Variants in SMURF2 observed in about 807,000 individuals in gnomAD.
SMURF2 encodes SMAD specific E3 ubiquitin protein ligase 2.
SMURF2 carries 48 observed loss-of-function variants against 109.6 expected under a neutral mutation model. That is an observed-to-expected ratio of 0.44 (90% CI 0.35 to 0.56). The LOEUF (loss-of-function observed/expected upper bound fraction) is 0.56, where lower values mean the gene tolerates loss of function less well. Among genes scored for constraint, SMURF2 ranks in the 20% least tolerant of loss-of-function variants. The pLI is 0.01. For synonymous variants in SMURF2, 288 were observed against 317.1 expected (o/e 0.91, Z 0.97); for missense variants, 575 against 909.0 (o/e 0.63, Z 4.72).
intron 15 of SMURF2, among the ~76,000 whole-genome samples, chr17:64,554,103 A>T (rs1046038935): frequency 1.3e-5 from 2 of 152,210 alleles, no homozygotes; most frequent in Non-Finnish European, 2.9e-5. Context: ...TAAACTCACA[A>T]TGTGCTCATT....
At chr17:64,631,158 C>T (rs1275836678) in intron 1 of SMURF2, among the ~76,000 whole-genome samples, 4 of 147,472 alleles carry the variant, frequency 2.7e-5, no homozygotes, top group East Asian at 2.1e-4. Flanking sequence ...ACAAATTAGC[C>T]GGGTGTGGTG....
chr17:64,637,373 G>A (rs1011439356), intron 1 of SMURF2, among the ~76,000 whole-genome samples: 1 of 151,746 alleles, frequency 6.6e-6, no homozygotes, highest in Non-Finnish European at 1.5e-5. Flanking sequence ...ACAACCACTC[G>A]TCTCGACCTC....
At chr17:64,659,363 GT>G (rs1970744910) in intron 1 of SMURF2, among the ~76,000 whole-genome samples, 1 of 152,084 alleles carries the variant, frequency 6.6e-6, no homozygotes, top group African/African-American at 2.4e-5. Context: ...TATAGCCCAA[GT>G]GTATTGTAAA....
chr17:64,607,623 CA>C lies in SMURF2; in HGVS notation c.53-984del, dbSNP rs59894966. On this transcript the variant is annotated intron_variant, in intron 1 of 18. Transcript: ENST00000262435. ...CCTGGGCTACAGAGCAAGACTGTCTCAAAAAAAAAAAAAAAGGATTTTATAG... is the reference window on the plus strand; with the variant it reads ...CCTGGGCTACAGAGCAAGACTGTCTCAAAAAAAAAAAAAAGGATTTTATAG... Among the ~76,000 whole-genome samples the C allele has an allele frequency of 4.3e-3, 433 of 99,762 alleles. 1 individual carries two copies. The highest frequency in any genetic ancestry group is 6.3e-3 in the Admixed American group (61 of 9,624). The allele number at this position is 99,762 out of a possible 152,430, so 65.4% of individuals were successfully genotyped here.
At chr17:64,606,410 G>C (rs542785661) in intron 2 of SMURF2, among the ~76,000 whole-genome samples, 192 bp downstream of exon 2, 3 of 152,122 alleles carry the variant, frequency 2.0e-5, no homozygotes, top group African/African-American at 7.2e-5. Context: ...TAAAAGGAAA[G>C]GGCTAAGCCT....
intron 2 of SMURF2, among the ~76,000 whole-genome samples, chr17:64,602,634 T>A (rs572034330): frequency 1.3e-5 from 2 of 152,312 alleles, no homozygotes; most frequent in Non-Finnish European, 2.9e-5. Context: ...TTCTGCATTT[T>A]AAAAAATTTC....
chr17:64,644,089 T>A (rs1223158887), intron 1 of SMURF2, among the ~76,000 whole-genome samples: 1 of 152,052 alleles, frequency 6.6e-6, no homozygotes, highest in Non-Finnish European at 1.5e-5. Context: ...CACTGCAACC[T>A]CTGCCTGCTG....
chr17:64,642,550 C>T (rs1332465455), intron 1 of SMURF2, among the ~76,000 whole-genome samples: 1 of 152,126 alleles, frequency 6.6e-6, no homozygotes, highest in Admixed American at 6.5e-5. Context: ...CCAAACAAAG[C>T]AAAAATTAAG....
intron 10 of SMURF2, among the ~76,000 whole-genome samples, chr17:64,571,511 T>G (rs936895801): frequency 5.3e-5 from 8 of 152,082 alleles, no homozygotes; most frequent in East Asian, 3.8e-4. Flanking sequence ...GCTCAGGCGA[T>G]TCTCCTGCCT....
intron 1 of SMURF2, among the ~76,000 whole-genome samples, chr17:64,608,945 T>C (rs1055655399): frequency 1.3e-5 from 2 of 152,080 alleles, no homozygotes; most frequent in East Asian, 1.9e-4. Flanking sequence ...CCTCTCATAA[T>C]GAAACTTCTT....
chr17:64,612,128 T>C (rs1348643116), intron 1 of SMURF2, among the ~76,000 whole-genome samples: 1 of 152,136 alleles, frequency 6.6e-6, no homozygotes, highest in African/African-American at 2.4e-5. Context: ...TAAACACTTA[T>C]CACATTTTAC....
intron 1 of SMURF2, among the ~76,000 whole-genome samples, chr17:64,614,572 T>G (rs1970096367): frequency 6.6e-6 from 1 of 152,226 alleles, no homozygotes; most frequent in Admixed American, 6.5e-5. Flanking sequence ...GTTCTAGCTA[T>G]TGTACTCACT....
intron 10 of SMURF2, among the ~76,000 whole-genome samples, chr17:64,565,451 A>T (rs1042110016): frequency 1.3e-4 from 20 of 152,232 alleles, no homozygotes; most frequent in African/African-American, 4.6e-4. Flanking sequence ...AGATCTGATA[A>T]GCAGGGAAAA....
Position 64,607,541 on chromosome 17 carries a change from G to T in SMURF2, c.53-901C>A, listed in dbSNP as rs546161631. Among the ~76,000 whole-genome samples, 52 of 150,852 alleles carry T rather than the reference G, an allele frequency of 3.4e-4. 2 individuals are homozygous for T. The South Asian group carries it at 6.5e-3, about 19-fold the overall frequency. On this transcript the variant is annotated intron_variant, in intron 1 of 18. Transcript: ENST00000262435. ...CTCAGTAGACTGAGGCAGAAGAATC[G>T]CTTGAACCCGGGAGAGGGAGGTTGC...
chr17:64,564,678 C>G (rs1295844038), intron 10 of SMURF2, among the ~76,000 whole-genome samples: 1 of 152,050 alleles, frequency 6.6e-6, no homozygotes, highest in African/African-American at 2.4e-5. Flanking sequence ...TGTCTACAAG[C>G]CAAGGAACAC....
At chr17:64,589,742 C>T (rs1257266967) in intron 5 of SMURF2, among the ~76,000 whole-genome samples, 2 of 151,936 alleles carry the variant, frequency 1.3e-5, no homozygotes, top group Non-Finnish European at 2.9e-5. Flanking sequence ...GGAAAACAAG[C>T]TCAGGGTTCC....
rs574105444 is a variant in SMURF2 at position 64,559,612 on chromosome 17, A to C, written c.1316+1888T>G. Among the ~76,000 whole-genome samples, 17 of 151,764 alleles carry C rather than the reference A, an allele frequency of 1.1e-4. No individual in the cohort carries two copies. In the South Asian group the frequency reaches 3.6e-3, roughly 32 times the overall value. On this transcript the variant is annotated intron_variant, in intron 12 of 18. Coordinates refer to ENST00000262435, the MANE Select transcript of SMURF2 (RefSeq NM_022739.4). ...ATCTCAAAAACAACAACAACAAAAA[A>C]AACTGACTACGAGCCAGGCATGGTG...
chr17:64,662,006 G>C lies in SMURF2; in HGVS notation c.-126C>G. The C allele has an allele frequency of 9.0e-7, 1 of 1,112,866 alleles. No individual in the cohort carries two copies. The highest frequency in any genetic ancestry group is 1.1e-6 in the Non-Finnish European group (1 of 912,386). 68.9% of individuals were successfully genotyped at this position (1,112,866 alleles called of 1,614,324 possible). ...GGCGCCTCGGCCGCCACGGCCGGAG[G>C]GTCCCGGATGTGCCGAGAGTCGTCG... On this transcript the variant is annotated 5_prime_UTR_variant, in exon 1 of 19. Transcript: ENST00000262435.
intron 1 of SMURF2, among the ~76,000 whole-genome samples, chr17:64,640,494 G>T (rs1555692477): frequency 6.6e-6 from 1 of 152,106 alleles, no homozygotes; most frequent in Non-Finnish European, 1.5e-5. Flanking sequence ...TGGATAAATA[G>T]TGTCTATTTC....
Sources: allele counts gnomAD v4.1 joint callset (sites outside exome capture counted in the v4.1 genomes callset), GRCh38; gene constraint gnomAD v4.1.1; transcripts MANE v1.5; gene names NCBI Gene and HGNC (gene_info 2026-07-23, HGNC 2026-07-21).